Variants in GPC6 observed in about 807,000 individuals in gnomAD.
The protein encoded by GPC6 is glypican-6.
GPC6 carries 14 observed loss-of-function variants against 55.2 expected under a neutral mutation model. The observed-to-expected ratio is 0.25, with a 90% CI of 0.17 to 0.40. The LOEUF (loss-of-function observed/expected upper bound fraction) is 0.40. Among genes scored for constraint, GPC6 ranks in the 10% least tolerant of loss-of-function variants. The probability of loss-of-function intolerance (pLI) is 1.00; values close to 1 mark genes in which losing one functional copy is unlikely to be tolerated. For missense variants in GPC6, 641 were observed against 708.5 expected (o/e 0.90, Z 1.08); for synonymous variants, 278 against 259.6 (o/e 1.07, Z -0.68).
chr13:94,043,738 T>C (rs1340866462), intron 4 of GPC6, among the ~76,000 whole-genome samples: 1 of 151,866 alleles, frequency 6.6e-6, no homozygotes, highest in Non-Finnish European at 1.5e-5. Context: ...AGACAGAATG[T>C]ATATAAGTTG....
At chr13:94,305,465 C>T (rs1325898711) in intron 5 of GPC6, among the ~76,000 whole-genome samples, 1 of 152,170 alleles carries the variant, frequency 6.6e-6, no homozygotes, top group African/African-American at 2.4e-5. Flanking sequence ...AGTACTTCAG[C>T]CCGATGCTTG....
At chr13:93,791,400 A>G (rs1437356716) in intron 2 of GPC6, among the ~76,000 whole-genome samples, 2 of 152,238 alleles carry the variant, frequency 1.3e-5, no homozygotes, top group Admixed American at 6.5e-5. Flanking sequence ...CTACTCAAGT[A>G]TATTAATTGA....
chr13:93,295,777 C>T (rs1406417555), intron 1 of GPC6, among the ~76,000 whole-genome samples: 2 of 152,150 alleles, frequency 1.3e-5, no homozygotes, highest in South Asian at 2.1e-4. Context: ...GGTGCCATGT[C>T]GGCTCACTGC....
chr13:94,270,896 G>A (rs192220578), intron 4 of GPC6, among the ~76,000 whole-genome samples: 11 of 151,746 alleles, frequency 7.2e-5, no homozygotes, highest in Admixed American at 3.3e-4. Flanking sequence ...AGGGCTGCTG[G>A]CTGCAGTTCC....
At chr13:94,200,213 A>G (rs1169602068) in intron 4 of GPC6, among the ~76,000 whole-genome samples, 2 of 152,028 alleles carry the variant, frequency 1.3e-5, no homozygotes, top group African/African-American at 4.8e-5. Flanking sequence ...ATTCTTCAGG[A>G]ATTGCTCTCT....
chr13:93,326,961 G>A (rs1270875560), intron 1 of GPC6, among the ~76,000 whole-genome samples: 2 of 152,162 alleles, frequency 1.3e-5, no homozygotes, highest in Non-Finnish European at 2.9e-5. Context: ...AGCTGTAGGT[G>A]TTATTGGTTT....
chr13:93,914,040 A>T (rs1012668211), intron 3 of GPC6, among the ~76,000 whole-genome samples: 4 of 152,174 alleles, frequency 2.6e-5, no homozygotes, highest in African/African-American at 9.7e-5. Flanking sequence ...CTATACCTTT[A>T]GTAAAATTTG....
At chr13:94,370,823 G>A (rs1342924061) in intron 6 of GPC6, among the ~76,000 whole-genome samples, 1 of 152,120 alleles carries the variant, frequency 6.6e-6, no homozygotes, top group Non-Finnish European at 1.5e-5. Context: ...AACACATTCA[G>A]TACCTCATGA....
intron 1 of GPC6, among the ~76,000 whole-genome samples, chr13:93,349,681 A>G (rs1189898306): frequency 1.3e-5 from 2 of 152,180 alleles, no homozygotes; most frequent in Admixed American, 6.5e-5. Context: ...TTCACTCTAC[A>G]TAGAAAAATA....
chr13:94,276,563 C>T (rs1362220177), intron 4 of GPC6, among the ~76,000 whole-genome samples: 2 of 151,982 alleles, frequency 1.3e-5, no homozygotes, highest in African/African-American at 4.8e-5. Flanking sequence ...GTTTCCTGCA[C>T]CTGTTGACCC....
intron 2 of GPC6, among the ~76,000 whole-genome samples, chr13:93,745,654 C>A (rs1026399882): frequency 6.6e-6 from 1 of 152,132 alleles, no homozygotes; most frequent in Admixed American, 6.5e-5. Flanking sequence ...TGATAAGCAG[C>A]AGTAGGAAGC....
chr13:93,846,911 A>C (rs1186541701), intron 3 of GPC6, among the ~76,000 whole-genome samples: 1 of 152,156 alleles, frequency 6.6e-6, no homozygotes, highest in African/African-American at 2.4e-5. Flanking sequence ...GTTTTAATAC[A>C]TTATTCTCAT....
chr13:93,870,053 A>G (rs1368296028), intron 3 of GPC6, among the ~76,000 whole-genome samples: 1 of 151,816 alleles, frequency 6.6e-6, no homozygotes. Context: ...AAGTGTTTGG[A>G]AGATTCAGGA....
At chr13:94,386,904 T>C (rs1407626170) in intron 7 of GPC6, among the ~76,000 whole-genome samples, 1 of 152,236 alleles carries the variant, frequency 6.6e-6, no homozygotes, top group Non-Finnish European at 1.5e-5. Flanking sequence ...TCTTGCTCCA[T>C]AGCTCTCTAC....
chr13:94,035,563 G>A (rs559049740), intron 4 of GPC6, among the ~76,000 whole-genome samples: 5 of 152,124 alleles, frequency 3.3e-5, no homozygotes, highest in East Asian at 1.9e-4. Context: ...AGTCCTTCAC[G>A]TGGTGACCAA....
At chr13:94,392,541 T>G (rs1326354783) in intron 7 of GPC6, among the ~76,000 whole-genome samples, 1 of 151,502 alleles carries the variant, frequency 6.6e-6, no homozygotes, top group Admixed American at 6.6e-5. Flanking sequence ...GTGATTCTCC[T>G]GTCTCAGCCT....
intron 4 of GPC6, among the ~76,000 whole-genome samples, chr13:94,136,081 C>T (rs531364322): frequency 6.6e-6 from 1 of 151,832 alleles, no homozygotes; most frequent in African/African-American, 2.4e-5. Flanking sequence ...TCCAAATAAG[C>T]AATTAGTTTC....
At chr13:93,612,500 A>AACACACACACACACAC (rs3138575) in intron 2 of GPC6, among the ~76,000 whole-genome samples, 1,626 of 139,290 alleles carry the variant, frequency 0.012, 23 homozygotes, top group East Asian at 0.031. Context: ...CTCCGTCTAA[A>AACACACACACACACAC]ACACACACAC....
chr13:93,404,473 T>C (rs1171884575), intron 1 of GPC6, among the ~76,000 whole-genome samples: 2 of 152,174 alleles, frequency 1.3e-5, no homozygotes, highest in Non-Finnish European at 2.9e-5. Flanking sequence ...TTCCAGTTAA[T>C]TTTGTAAAAT....
Sources: allele counts gnomAD v4.1 joint callset (sites outside exome capture counted in the v4.1 genomes callset), GRCh38; gene constraint gnomAD v4.1.1; transcripts MANE v1.5; gene names NCBI Gene and HGNC (gene_info 2026-07-23, HGNC 2026-07-21).